Variants in PTPRN2 observed in about 807,000 individuals in gnomAD.
The protein encoded by PTPRN2 is receptor-type tyrosine-protein phosphatase N2.
In PTPRN2, 74 loss-of-function variants were observed where a neutral mutation model predicts 118.8. The observed-to-expected ratio is 0.62, with a 90% confidence interval of 0.52 to 0.76. The LOEUF (loss-of-function observed/expected upper bound fraction) is 0.76, where lower values mean the gene tolerates loss of function less well. Among genes scored for constraint, PTPRN2 ranks in the 30% least tolerant of loss-of-function variants. PTPRN2 has a pLI of 0.00. For missense variants in PTPRN2, 1,481 were observed against 1,394.4 expected (o/e 1.06, Z -0.99); for synonymous variants, 641 against 608.0 (o/e 1.05, Z -0.80).
At position 157,947,544 on chromosome 7, in the gene PTPRN2, G is replaced by C. The variant is rs188963149; in HGVS notation, c.1724-48807C>G. 3.0e-3 allele frequency among the ~76,000 whole-genome samples: 453 copies of C among 152,284 alleles called. 12 individuals carry two copies. In the South Asian group the frequency reaches 0.045, roughly 15 times the overall value. ...AAAAAACTGTGGCTGTGTGTTTTGA[G>C]CTGTCTGGTGGTTCCTTGAGAAACC... On this transcript the variant is annotated intron_variant, in intron 11 of 22. Coordinates refer to ENST00000389418, the MANE Select transcript of PTPRN2 (RefSeq NM_002847.5).
rs1248516328 is a variant in PTPRN2 at position 157,591,141 on chromosome 7, A to G, written c.2496+4097T>C. ...ACCCTGACATAAATCCACGGTGGGG[A>G]AAAGCTGTGTGACAGGGAGGCAGAG... On this transcript the variant is annotated intron_variant, in intron 17 of 22. Transcript: ENST00000389418. This position sits in a 1 kb window ranked among gnomAD's most constrained non-coding sequence, Gnocchi z 4.4. Among the ~76,000 whole-genome samples the G allele has an allele frequency of 6.6e-6, 1 of 152,132 alleles. No homozygotes were observed. The highest frequency in any genetic ancestry group is 1.5e-5 in the Non-Finnish European group (1 of 68,018).
Position 157,656,555 on chromosome 7 carries a change from C to T in PTPRN2, c.2002-4G>A, listed in dbSNP as rs185659775. 3 of 1,534,520 alleles carry T rather than the reference C, an allele frequency of 2.0e-6. No homozygotes were observed. Among genetic ancestry groups the T allele is most frequent in the Non-Finnish European group, 2.6e-6 (3 of 1,144,758 alleles). On this transcript the variant is annotated splice_region_variant and splice_polypyrimidine_tract_variant and intron_variant, in intron 13 of 22. Coordinates refer to ENST00000389418, the MANE Select transcript of PTPRN2 (RefSeq NM_002847.5). ...CCATACGCTGGCGGCACAGCTCCTG[C>T]AGGACAGGGGGAGGAAGAGCAGGGG...
intron 10 of PTPRN2, among the ~76,000 whole-genome samples, chr7:158,086,719 T>C (rs188625336): frequency 6.6e-6 from 1 of 152,248 alleles, no homozygotes; most frequent in Non-Finnish European, 1.5e-5. Context: ...AGCACAGGCA[T>C]GTCAGGCAAC....
chr7:158,041,462 AC>A (rs1808462324), intron 11 of PTPRN2, among the ~76,000 whole-genome samples: 1 of 152,052 alleles, frequency 6.6e-6, no homozygotes, highest in Admixed American at 6.5e-5. Context: ...ACATGGTGAA[AC>A]CCTGTTTCCA....
At chr7:158,327,253 A>C (rs1803681331) in intron 2 of PTPRN2, among the ~76,000 whole-genome samples, 1 of 151,342 alleles carries the variant, frequency 6.6e-6, no homozygotes, top group Admixed American at 6.6e-5. Flanking sequence ...ACATGCACAC[A>C]TTCTCACATG....
chr7:157,736,600 A>C (rs1413112494), intron 12 of PTPRN2, among the ~76,000 whole-genome samples: 1 of 151,504 alleles, frequency 6.6e-6, no homozygotes, highest in East Asian at 1.9e-4. Context: ...GTGAGAACAG[A>C]CGTGTCCTGC....
At chr7:158,098,357 G>C (rs1814835986) in intron 10 of PTPRN2, among the ~76,000 whole-genome samples, 1 of 152,242 alleles carries the variant, frequency 6.6e-6, no homozygotes, top group African/African-American at 2.4e-5. Context: ...AAGGCTCCGA[G>C]GGACGGGCGG....
rs1023120899 is a variant in PTPRN2 at position 157,615,758 on chromosome 7, A to T, written c.2344+5604T>A. On this transcript the variant is annotated intron_variant, in intron 15 of 22. Coordinates refer to ENST00000389418, the MANE Select transcript of PTPRN2 (RefSeq NM_002847.5). The surrounding 1 kb of genome is among the most constrained non-coding windows in gnomAD (Gnocchi z 4.3). ...CCACAAGCTCTGGAGGCTGAACGAG[A>T]ATCGGTTACAGGAGATGAACACAAG... 6 of 385,282 alleles carry T rather than the reference A, an allele frequency of 1.6e-5. No homozygotes were observed. The highest frequency in any genetic ancestry group is 8.6e-5 in the Admixed American group (3 of 34,824). 23.9% of individuals were successfully genotyped at this position (385,282 alleles called of 1,614,324 possible).
intron 12 of PTPRN2, among the ~76,000 whole-genome samples, chr7:157,730,996 G>C (rs1799866310): frequency 6.6e-6 from 1 of 152,130 alleles, no homozygotes; most frequent in Admixed American, 6.5e-5. Flanking sequence ...CTGCTCTGAA[G>C]AGAAAATGGA....
At chr7:157,675,982 T>C (rs573406059) in intron 13 of PTPRN2, among the ~76,000 whole-genome samples, 86 of 151,550 alleles carry the variant, frequency 5.7e-4, no homozygotes, top group Middle Eastern at 3.4e-3. Flanking sequence ...CGGAGGGGGG[T>C]GAAAGCAGGC....
At chr7:158,263,724 C>A (rs1797689615) in intron 3 of PTPRN2, among the ~76,000 whole-genome samples, 1 of 152,250 alleles carries the variant, frequency 6.6e-6, no homozygotes, top group Non-Finnish European at 1.5e-5. Context: ...ACCTCAACGG[C>A]CCTTTTCCCA....
intron 2 of PTPRN2, among the ~76,000 whole-genome samples, chr7:158,446,296 C>T (rs187596786): frequency 1.2e-3 from 176 of 152,366 alleles, no homozygotes; most frequent in African/African-American, 3.5e-3. Flanking sequence ...AGAAAAAGTA[C>T]ATTTTAATTT....
At chr7:157,554,606 T>C (rs942844490) in intron 21 of PTPRN2, among the ~76,000 whole-genome samples, 2 of 152,230 alleles carry the variant, frequency 1.3e-5, no homozygotes, top group African/African-American at 4.8e-5. Flanking sequence ...CCAATTTTGC[T>C]GACAAGGTGA....
intron 6 of PTPRN2, among the ~76,000 whole-genome samples, chr7:158,152,993 G>T (rs9647693): frequency 0.024 from 1,216 of 51,040 alleles, 45 homozygotes; most frequent in Non-Finnish European, 0.037. Flanking sequence ...AGAGCAGACC[G>T]ACAGACACCA....
intron 2 of PTPRN2, among the ~76,000 whole-genome samples, chr7:158,396,352 G>A (rs1216100114): frequency 6.6e-6 from 1 of 152,202 alleles, no homozygotes; most frequent in Non-Finnish European, 1.5e-5. Context: ...AAAACAAAAA[G>A]ACCTTTAAAG....
At chr7:158,533,163 T>G (rs1214012301) in intron 1 of PTPRN2, among the ~76,000 whole-genome samples, 1 of 152,228 alleles carries the variant, frequency 6.6e-6, no homozygotes, top group African/African-American at 2.4e-5. Flanking sequence ...ACTTGCAGAA[T>G]GAACTGATTC....
At chr7:158,068,567 C>G (rs1810967586) in intron 11 of PTPRN2, among the ~76,000 whole-genome samples, 1 of 152,254 alleles carries the variant, frequency 6.6e-6, no homozygotes, top group Admixed American at 6.5e-5. Flanking sequence ...CCGCAAACCA[C>G]TGGAACCGGG....
chr7:158,403,025 GT>G (rs2151410111), intron 2 of PTPRN2, among the ~76,000 whole-genome samples: 1 of 152,300 alleles, frequency 6.6e-6, no homozygotes, highest in South Asian at 2.1e-4. Context: ...ACACAGCTCC[GT>G]TTGCCTCCCA....
At chr7:157,737,775 C>T (rs1800389868) in intron 12 of PTPRN2, among the ~76,000 whole-genome samples, 1 of 152,242 alleles carries the variant, frequency 6.6e-6, no homozygotes, top group Non-Finnish European at 1.5e-5. Context: ...GCCACCAAGG[C>T]CACAAGGCCG....
Sources: allele counts gnomAD v4.1 joint callset (sites outside exome capture counted in the v4.1 genomes callset), GRCh38; gene constraint gnomAD v4.1.1; non-coding constraint Gnocchi (gnomAD v3.1); transcripts MANE v1.5; gene names NCBI Gene and HGNC (gene_info 2026-07-23, HGNC 2026-07-21).